UVSSA: variants seen among roughly 807,000 people sequenced by gnomAD.
The protein encoded by UVSSA is UV stimulated scaffold protein A, also known as UV-stimulated scaffold protein A.
A neutral mutation model predicts 73.9 loss-of-function variants in UVSSA; 72 were observed. The ratio of observed to expected loss-of-function variants is 0.97; its 90% confidence interval spans 0.81 to 1.19. UVSSA has a LOEUF of 1.19. Among genes scored for constraint, UVSSA ranks in the 50% most tolerant of loss-of-function variants. The pLI is 0.00. For missense variants in UVSSA, 1,150 were observed against 965.0 expected, an observed-to-expected ratio of 1.19 and a Z score of -2.54; for synonymous variants, 454 against 391.3, an observed-to-expected ratio of 1.16 and a Z score of -1.89.
chr4:1,394,936 C>G (rs76728908), exon 14 of UVSSA: 25,555 of 1,025,816 alleles, frequency 0.025, 430 homozygotes, highest in Admixed American at 0.067. Context: ...CACACGTGCC[C>G]ATGCGGAGTG....
At chr4:1,356,341 T>C (rs1273692750) in intron 7 of UVSSA, among the ~76,000 whole-genome samples, 1 of 152,118 alleles carries the variant, frequency 6.6e-6, no homozygotes, top group African/African-American at 2.4e-5. Flanking sequence ...CCCAGGTCAG[T>C]GGCCCCGCGT....
rs779873465 is a variant in UVSSA at position 1,354,728 on chromosome 4, T to A, written c.935-7T>A. 3.1e-6 allele frequency: 5 copies of A among 1,612,020 alleles called. No individual in the cohort carries two copies. The East Asian group carries it at 8.9e-5, about 29-fold the overall frequency. On this transcript the variant is annotated splice_region_variant and splice_polypyrimidine_tract_variant and intron_variant, in intron 5 of 13. Transcript: ENST00000389851. Reference sequence around the variant, plus strand: ...CCCTCTTGTGACCTCTGTGTGCTTCTCCCCAGAGGGCCTGAAGGTGCAGGA... The same window carrying A: ...CCCTCTTGTGACCTCTGTGTGCTTCACCCCAGAGGGCCTGAAGGTGCAGGA...
At chr4:1,379,956 G>C (rs1577372961) in intron 10 of UVSSA, 91 bp from the exon 11 acceptor site, 2 of 1,437,748 alleles carry the variant, frequency 1.4e-6, no homozygotes, top group East Asian at 2.5e-5. Flanking sequence ...GGCTGCAGTG[G>C]TGTTTGGCCT....
chr4:1,365,761 A>G (rs1717221052), intron 7 of UVSSA, among the ~76,000 whole-genome samples: 1 of 152,370 alleles, frequency 6.6e-6, no homozygotes, highest in Admixed American at 6.5e-5. Context: ...CCGTTGCCTA[A>G]GAGCAGACGC....
rs1449315649 is a variant in UVSSA, at chr4:1,383,957, G to A, written c.2036+17G>A. The A allele has an allele frequency of 6.2e-7, 1 of 1,603,706 alleles. No individual in the cohort carries two copies. Among genetic ancestry groups the A allele is most frequent in the Non-Finnish European group, 8.5e-7 (1 of 1,175,656 alleles). ...CTTCGCCAAGTAAGAGTGGCTGCTG[G>A]GTCACCTCCCACCGCGTGGCCCCCC... is the stretch of plus-strand genomic sequence containing the variant. On this transcript the variant is annotated intron_variant, in intron 13 of 13. Coordinates refer to ENST00000389851, the MANE Select transcript of UVSSA (RefSeq NM_020894.4).
chr4:1,381,075 G>A, intron 12 of UVSSA, 87 bp downstream of exon 12: 2 of 1,261,666 alleles, frequency 1.6e-6, no homozygotes, highest in Non-Finnish European at 2.2e-6. Flanking sequence ...CAGAGTCACA[G>A]AGCACCCGCT....
chr4:1,369,882 C>T (rs150564160), intron 8 of UVSSA, among the ~76,000 whole-genome samples: 303 of 152,382 alleles, frequency 2.0e-3, no homozygotes, highest in Non-Finnish European at 3.6e-3. Context: ...TCGAGTGAGA[C>T]GCCGTGCGGG....
intron 10 of UVSSA, among the ~76,000 whole-genome samples, chr4:1,377,229 G>T (rs576825791): frequency 1.3e-5 from 2 of 152,338 alleles, no homozygotes; most frequent in South Asian, 4.1e-4. Flanking sequence ...GTGTCTGGAT[G>T]CCCAGGAACG....
intron 5 of UVSSA, among the ~76,000 whole-genome samples, chr4:1,354,247 C>T (rs536010404): frequency 1.7e-4 from 26 of 152,230 alleles, no homozygotes; most frequent in African/African-American, 5.1e-4. Flanking sequence ...GTATAGAGCT[C>T]TGCCCTGCGC....
chr4:1,379,991 C>A, intron 10 of UVSSA, 56 bp from the exon 11 acceptor site: 1 of 1,530,920 alleles, frequency 6.5e-7, no homozygotes, highest in Non-Finnish European at 8.8e-7. Flanking sequence ...ACCACCGTGG[C>A]CACGCTCTTC....
chr4:1,395,443 C>T (rs1442299079), exon 14 of UVSSA: 4 of 1,578,570 alleles, frequency 2.5e-6, no homozygotes, highest in Admixed American at 1.8e-5. Flanking sequence ...GGAGTGCCCG[C>T]CTGCTCACGT....
At chr4:1,371,730 G>A (rs1360752017) in intron 8 of UVSSA, among the ~76,000 whole-genome samples, 1 of 152,152 alleles carries the variant, frequency 6.6e-6, no homozygotes. Flanking sequence ...TCACTCTCAC[G>A]GGGACAGCAC....
In UVSSA at chr4:1,388,048, G is replaced by A. The variant is rs1023401715; in HGVS notation, c.*2087G>A. ...CTTAATATTAAATCTTCTGAGTCATGAGCTTCTGATTATCTTTCCATTTAT... is the reference window on the plus strand; with the variant it reads ...CTTAATATTAAATCTTCTGAGTCATAAGCTTCTGATTATCTTTCCATTTAT... On this transcript the variant is annotated 3_prime_UTR_variant, in exon 14 of 14. Coordinates refer to ENST00000389851, the MANE Select transcript of UVSSA (RefSeq NM_020894.4). The A allele has an allele frequency of 6.6e-6, 1 of 151,534 alleles. No individual in the cohort carries two copies. Among genetic ancestry groups the A allele is most frequent in the African/African-American group, 2.4e-5 (1 of 41,248 alleles). 9.4% of individuals were successfully genotyped at this position (151,534 alleles called of 1,614,324 possible).
rs1394368435 is a variant in UVSSA, at chr4:1,349,727, C to T, written c.302C>T (p.Pro101Leu). 1.9e-6 allele frequency: 3 copies of T among 1,613,624 alleles called. No individual in the cohort carries two copies. Among genetic ancestry groups the T allele is most frequent in the Non-Finnish European group, 2.5e-6 (3 of 1,179,896 alleles). ...LGTDPAQPLP[P>L]PREAAQRLRQ... ...ACAGACCCCGCACAGCCTCTGCCGC[C>T]CCCCAGGGAGGCGGCACAGAGGCTG... is the stretch of plus-strand genomic sequence containing the variant. The change falls in exon 3 of 14, where the codon CCC becomes CTC. Residue 101 changes from proline to leucine, a missense_variant. Transcript: ENST00000389851.
At chr4:1,342,754 T>C (rs1197988541), upstream of UVSSA, among the ~76,000 whole-genome samples, 1 of 152,228 alleles carries the variant, frequency 6.6e-6, no homozygotes, top group Non-Finnish European at 1.5e-5. Flanking sequence ...TCTTATCCCG[T>C]TGAATAACGT....
intron 10 of UVSSA, among the ~76,000 whole-genome samples, chr4:1,379,334 C>T (rs1719152341): frequency 6.6e-6 from 1 of 152,232 alleles, no homozygotes; most frequent in Non-Finnish European, 1.5e-5. Context: ...TCTCCCCTGC[C>T]TGGGCATCCA....
At chr4:1,354,904 G>GC (rs1027601297) in intron 6 of UVSSA, 57 bp downstream of exon 6, 2 of 1,370,820 alleles carry the variant, frequency 1.5e-6, no homozygotes, top group Non-Finnish European at 2.0e-6. Context: ...TGCCATGCAT[G>GC]GGGGGGGTCC....
chr4:1,379,671 C>A (rs573898292), intron 10 of UVSSA, among the ~76,000 whole-genome samples: 96 of 152,346 alleles, frequency 6.3e-4, no homozygotes, highest in African/African-American at 2.2e-3. Context: ...GGTCACGCCT[C>A]AAGGACGCAG....
chr4:1,372,898 G>A (rs1012724120), intron 8 of UVSSA, among the ~76,000 whole-genome samples: 11 of 145,514 alleles, frequency 7.6e-5, no homozygotes, highest in African/African-American at 1.2e-4. Context: ...CTCACCTCCC[G>A]CGTCTCTACA....
Sources: allele counts gnomAD v4.1 joint callset (sites outside exome capture counted in the v4.1 genomes callset), GRCh38; gene constraint gnomAD v4.1.1; transcripts MANE v1.5; gene names NCBI Gene and HGNC (gene_info 2026-07-23, HGNC 2026-07-21).